The following SYNE2 variants were observed in gnomAD, a reference collection of about 807,000 sequenced individuals.
The protein encoded by SYNE2 is nesprin-2.
SYNE2 carries 431 observed loss-of-function variants against 856.3 expected under a neutral mutation model. The observed-to-expected ratio is 0.50, with a 90% CI of 0.47 to 0.55. The LOEUF is 0.55. Ranked by LOEUF, SYNE2 falls within the 20% of genes least tolerant of loss-of-function variation. The pLI is 0.00. For missense variants in SYNE2, 8,129 were observed against 8,023.2 expected, an observed-to-expected ratio of 1.01 and a Z score of -0.50; for synonymous variants, 2,923 against 2,872.3, an observed-to-expected ratio of 1.02 and a Z score of -0.56.
At chr14:63,997,475 T>G in intron 25 of SYNE2, 84 bp downstream of exon 25, 1 of 1,106,134 alleles carries the variant, frequency 9.0e-7, no homozygotes, top group East Asian at 2.6e-5. Flanking sequence ...ATTAATTAGG[T>G]GTTGGTTTTA....
At position 64,215,268 on chromosome 14, in the gene SYNE2, G is replaced by T; in HGVS notation, c.19334-18G>T. Reference sequence around the variant, plus strand: ...TTCAGGCACCTCCAGTGAGGCAAATGACATTGTTCTTTTTCAGATGTAGAA... The same window carrying T: ...TTCAGGCACCTCCAGTGAGGCAAATTACATTGTTCTTTTTCAGATGTAGAA... On this transcript the variant is annotated intron_variant, in intron 106 of 115. Transcript: ENST00000555002. 6.2e-7 allele frequency: 1 copy of T among 1,613,588 alleles called. No individual in the cohort carries two copies.
At chr14:63,997,258 T>G in intron 24 of SYNE2, 43 bp from the exon 25 acceptor site, 2 of 1,597,422 alleles carry the variant, frequency 1.3e-6, no homozygotes, top group Non-Finnish European at 1.7e-6. Flanking sequence ...AGGTTTCATT[T>G]TTCTTACCCT....
intron 99 of SYNE2, among the ~76,000 whole-genome samples, chr14:64,197,513 G>A (rs899231983): frequency 3.3e-5 from 5 of 152,290 alleles, no homozygotes; most frequent in South Asian, 2.1e-4. Flanking sequence ...TTTGTACAGT[G>A]TTTTTTGCAA....
In SYNE2 at chr14:63,898,980, T is replaced by G. The variant is rs1035809734; in HGVS notation, c.-51-10118T>G. ...TCCATTTCCAGAACTCTTTTCATTT[T>G]GTGAAACTGAAACTATATATTCATT... On this transcript the variant is annotated intron_variant, in intron 1 of 115. Transcript: ENST00000555002. Among the ~76,000 whole-genome samples the G allele has an allele frequency of 1.3e-5, 2 of 152,244 alleles. 1 individual carries two copies. The highest frequency in any genetic ancestry group is 1.3e-4 in the Admixed American group (2 of 15,276).
intron 28 of SYNE2, among the ~76,000 whole-genome samples, chr14:64,001,562 G>A (rs1053624776): frequency 2.6e-5 from 4 of 152,162 alleles, no homozygotes; most frequent in African/African-American, 9.6e-5. Flanking sequence ...CTTGGATATT[G>A]GGATGCTTTT....
intron 45 of SYNE2, among the ~76,000 whole-genome samples, chr14:64,038,570 T>G (rs570970637): frequency 1.3e-5 from 2 of 152,224 alleles, no homozygotes; most frequent in African/African-American, 2.4e-5. Flanking sequence ...CCGAGTGAAC[T>G]AGACTCCGTC....
At chr14:63,780,374 A>C (rs1225001991) in intron 1 of SYNE2, among the ~76,000 whole-genome samples, 3 of 152,066 alleles carry the variant, frequency 2.0e-5, no homozygotes, top group Non-Finnish European at 4.4e-5. Flanking sequence ...TCTCTACTAA[A>C]AATACAAAAC....
chr14:64,193,806 T>G (rs1053376912), intron 99 of SYNE2, among the ~76,000 whole-genome samples: 1 of 152,130 alleles, frequency 6.6e-6, no homozygotes, highest in Non-Finnish European at 1.5e-5. Context: ...TGCTTATTTT[T>G]TAAGTGCCAG....
intron 45 of SYNE2, among the ~76,000 whole-genome samples, chr14:64,043,553 T>C (rs2097164435): frequency 6.6e-6 from 1 of 151,832 alleles, no homozygotes. Flanking sequence ...CTGTGTACAG[T>C]CTAGCGACCG....
At chr14:63,766,307 T>C (rs1030249244) in intron 1 of SYNE2, among the ~76,000 whole-genome samples, 2 of 152,092 alleles carry the variant, frequency 1.3e-5, no homozygotes, top group Non-Finnish European at 2.9e-5. Flanking sequence ...CTTGAACCCC[T>C]GACCTCAAGT....
rs2098717640 is a variant in SYNE2 at position 64,226,214 on chromosome 14, TTTTG to T, written c.*689_*692del. The T allele has an allele frequency of 2.0e-5, 3 of 152,860 alleles. No homozygotes were observed. The highest frequency in any genetic ancestry group is 4.1e-4 in the South Asian group (2 of 4,822). The allele number at this position is 152,860 out of a possible 1,614,324, so 9.5% of individuals were successfully genotyped here. ...AAAAAAATTAGATTTTAGCTGGAGC[TTTTG>T]ACTAATGTAAAGTAAATGCCAAACT... is the stretch of plus-strand genomic sequence containing the variant. On this transcript the variant is annotated 3_prime_UTR_variant, in exon 116 of 116. Coordinates refer to ENST00000555002, the MANE Select transcript of SYNE2 (RefSeq NM_182914.3).
At chr14:63,920,598 C>T (rs971433025) in intron 2 of SYNE2, among the ~76,000 whole-genome samples, 1 of 150,620 alleles carries the variant, frequency 6.6e-6, no homozygotes, top group African/African-American at 2.4e-5. Context: ...AGAAATTCCC[C>T]CAGGCTTCAG....
chr14:63,889,873 G>A (rs2095087071), intron 1 of SYNE2, among the ~76,000 whole-genome samples: 1 of 152,094 alleles, frequency 6.6e-6, no homozygotes, highest in Non-Finnish European at 1.5e-5. Flanking sequence ...TTATGCTGTG[G>A]TTTGATGCAT....
In SYNE2 at chr14:64,152,727, T is replaced by G; in HGVS notation, c.15792+11T>G. Reference sequence around the variant, plus strand: ...AGTGTTCTCACTCAGGTACTAGAATTCATTTGAAATGTGCTATTTCTCTTC... The same window carrying G: ...AGTGTTCTCACTCAGGTACTAGAATGCATTTGAAATGTGCTATTTCTCTTC... On this transcript the variant is annotated intron_variant, in intron 85 of 115. Coordinates refer to ENST00000555002, the MANE Select transcript of SYNE2 (RefSeq NM_182914.3). 1 of 1,614,018 alleles carries G rather than the reference T, an allele frequency of 6.2e-7. No homozygotes were observed. Among genetic ancestry groups the G allele is most frequent in the Non-Finnish European group, 8.5e-7 (1 of 1,179,914 alleles).
chr14:63,935,819 G>A (rs958487427), intron 2 of SYNE2, among the ~76,000 whole-genome samples: 1 of 152,064 alleles, frequency 6.6e-6, no homozygotes, highest in African/African-American at 2.4e-5. Context: ...TTCAAGACCA[G>A]CCTGGGCAAC....
intron 52 of SYNE2, among the ~76,000 whole-genome samples, chr14:64,073,511 A>G (rs993734731): frequency 6.6e-6 from 1 of 152,234 alleles, no homozygotes; most frequent in Non-Finnish European, 1.5e-5. Flanking sequence ...TACTTACCAA[A>G]TAACCCTCAG....
At chr14:63,776,753 C>A (rs1887122386) in intron 1 of SYNE2, among the ~76,000 whole-genome samples, 1 of 151,944 alleles carries the variant, frequency 6.6e-6, no homozygotes, top group Admixed American at 6.6e-5. Context: ...GTGTGCGCCA[C>A]CACCACCCAG....
intron 1 of SYNE2, among the ~76,000 whole-genome samples, chr14:63,798,223 T>C (rs1021416530): frequency 6.6e-5 from 10 of 151,914 alleles, no homozygotes; most frequent in African/African-American, 2.4e-4. Flanking sequence ...GGTTGTTTGT[T>C]TTTTCAACTA....
chr14:64,147,713 T>A lies in SYNE2; in HGVS notation c.15639+1490T>A, dbSNP rs78235130. Reference sequence around the variant, plus strand: ...TTCAGCAAAGCCTCTCTGCCCTCTTTAGCACACCAACCACCGCTTTGCATG... The same window carrying A: ...TTCAGCAAAGCCTCTCTGCCCTCTTAAGCACACCAACCACCGCTTTGCATG... On this transcript the variant is annotated intron_variant, in intron 84 of 115. Transcript: ENST00000555002. 1.8e-4 allele frequency among the ~76,000 whole-genome samples: 28 copies of A among 152,326 alleles called. No homozygotes were observed. The East Asian group carries it at 4.6e-3, about 25-fold the overall frequency.
Sources: allele counts gnomAD v4.1 joint callset (sites outside exome capture counted in the v4.1 genomes callset), GRCh38; gene constraint gnomAD v4.1.1; transcripts MANE v1.5; gene names NCBI Gene and HGNC (gene_info 2026-07-23, HGNC 2026-07-21).